SUSD6: variants seen among roughly 807,000 people sequenced by gnomAD.
The protein encoded by SUSD6 is sushi domain-containing protein 6.
Under a neutral mutation model 28.4 loss-of-function variants are expected in SUSD6, and 16 were observed. The observed-to-expected ratio is 0.56, with a 90% CI of 0.38 to 0.86. The LOEUF (loss-of-function observed/expected upper bound fraction) is 0.86, where lower values mean the gene tolerates loss of function less well. SUSD6 is among the 40% of genes least tolerant of loss of function. The pLI is 0.00. For missense variants in SUSD6, 341 were observed against 384.2 expected (o/e 0.89, Z 0.94); for synonymous variants, 147 against 159.6 (o/e 0.92, Z 0.59).
chr14:69,612,088 C>T (rs1884885171), intron 1 of SUSD6, among the ~76,000 whole-genome samples: 1 of 151,252 alleles, frequency 6.6e-6, no homozygotes, highest in African/African-American at 2.4e-5. Flanking sequence ...GGGGGACCGG[C>T]GGCTGGTTTG....
intron 1 of SUSD6, among the ~76,000 whole-genome samples, chr14:69,646,523 C>T (rs1595040426): frequency 1.3e-5 from 2 of 152,070 alleles, no homozygotes; most frequent in Admixed American, 6.5e-5. Flanking sequence ...CCTGCTAGAC[C>T]TTTCTACCAG....
Position 69,657,376 on chromosome 14 carries a change from A to G in SUSD6, c.-80-1137A>G, listed in dbSNP as rs538138699. Reference sequence around the variant, plus strand: ...AGGCTGAGGCAGGAGAATCACTTCAACCCGGGAGGTGGAGGTTGCAGTGAG... The same window carrying G: ...AGGCTGAGGCAGGAGAATCACTTCAGCCCGGGAGGTGGAGGTTGCAGTGAG... On this transcript the variant is annotated intron_variant, in intron 1 of 5. Transcript: ENST00000342745. 2.6e-5 allele frequency among the ~76,000 whole-genome samples: 4 copies of G among 152,002 alleles called. No homozygotes were observed. In the East Asian group the frequency reaches 7.7e-4, roughly 29 times the overall value.
At chr14:69,662,259 G>A (rs1035962600) in intron 2 of SUSD6, among the ~76,000 whole-genome samples, 1 of 152,142 alleles carries the variant, frequency 6.6e-6, no homozygotes, top group Non-Finnish European at 1.5e-5. Context: ...ACTAGACATA[G>A]GTAACTGGGC....
In SUSD6 at chr14:69,657,907, C is replaced by G. The variant is rs533454010; in HGVS notation, c.-80-606C>G. ...GCAGCCCATTCTCCATGCCTCCCCC[C>G]GTCTCATCTTTTTCAGGGACAGCCA... On this transcript the variant is annotated intron_variant, in intron 1 of 5. Coordinates refer to ENST00000342745, the MANE Select transcript of SUSD6 (RefSeq NM_014734.4). 3.3e-5 allele frequency among the ~76,000 whole-genome samples: 5 copies of G among 152,266 alleles called. No individual in the cohort carries two copies. In the South Asian group the frequency reaches 1.0e-3, roughly 32 times the overall value.
intron 2 of SUSD6, among the ~76,000 whole-genome samples, chr14:69,668,931 T>A (rs1885786923): frequency 6.6e-6 from 1 of 152,022 alleles, no homozygotes; most frequent in Non-Finnish European, 1.5e-5. Context: ...GATTGAAAGC[T>A]TCTTGAGGCC....
intron 1 of SUSD6, among the ~76,000 whole-genome samples, chr14:69,629,351 C>G (rs1885161351): frequency 6.6e-6 from 1 of 152,142 alleles, no homozygotes; most frequent in Non-Finnish European, 1.5e-5. Flanking sequence ...TGGGCCCCCA[C>G]AGGAAGCCTT....
At chr14:69,625,523 C>G (rs943855148) in intron 1 of SUSD6, among the ~76,000 whole-genome samples, 1 of 152,166 alleles carries the variant, frequency 6.6e-6, no homozygotes, top group South Asian at 2.1e-4. Context: ...GGAGGCTTCT[C>G]GGATGTGCAG....
chr14:69,650,295 A>G (rs1004241483), intron 1 of SUSD6, among the ~76,000 whole-genome samples: 3 of 152,156 alleles, frequency 2.0e-5, no homozygotes, highest in Non-Finnish European at 4.4e-5. Flanking sequence ...TGTTTCATAC[A>G]TCGTCCTACA....
chr14:69,682,948 T>A (rs1489770440), intron 2 of SUSD6, among the ~76,000 whole-genome samples: 1 of 4,888 alleles, frequency 2.0e-4, no homozygotes. Context: ...CCAAGAAGCC[T>A]TTTTTTTTTT....
intron 2 of SUSD6, among the ~76,000 whole-genome samples, chr14:69,690,740 C>G (rs545608783): frequency 6.6e-6 from 1 of 152,302 alleles, no homozygotes; most frequent in East Asian, 1.9e-4. Context: ...TTGTTCAAAA[C>G]AGAGAATCTC....
At chr14:69,632,660 A>AC (rs529860934) in intron 1 of SUSD6, among the ~76,000 whole-genome samples, 29 of 151,850 alleles carry the variant, frequency 1.9e-4, no homozygotes, top group Non-Finnish European at 2.8e-4. Context: ...ATTAAAAAAA[A>AC]AAAACAAAAC....
intron 1 of SUSD6, among the ~76,000 whole-genome samples, chr14:69,616,840 A>G (rs778280848): frequency 7.9e-5 from 12 of 152,102 alleles, no homozygotes; most frequent in Non-Finnish European, 1.5e-4. Flanking sequence ...TCACCCATTT[A>G]AAGTACAATT....
Position 69,711,145 on chromosome 14 carries a change from C to T in SUSD6, c.*166C>T, listed in dbSNP as rs1009387513. 3.1e-6 allele frequency: 2 copies of T among 649,874 alleles called. No individual in the cohort carries two copies. The highest frequency in any genetic ancestry group is 2.8e-5 in the Admixed American group (1 of 35,434). The allele number at this position is 649,874 out of a possible 1,614,324, so 40.3% of individuals were successfully genotyped here. ...CCCTATAGGCCCACCTTGCTGGAAA[C>T]TCAAGGAAGATTCTCGCCATCTGCC... On this transcript the variant is annotated 3_prime_UTR_variant, in exon 6 of 6. Coordinates refer to ENST00000342745, the MANE Select transcript of SUSD6 (RefSeq NM_014734.4).
intron 2 of SUSD6, among the ~76,000 whole-genome samples, chr14:69,684,727 C>T (rs1344968764): frequency 6.6e-6 from 1 of 152,214 alleles, no homozygotes; most frequent in African/African-American, 2.4e-5. Context: ...GTTGCCAGGC[C>T]AGGGGGCAGG....
intron 2 of SUSD6, among the ~76,000 whole-genome samples, chr14:69,681,252 G>A (rs968172235): frequency 5.3e-5 from 8 of 152,122 alleles, no homozygotes; most frequent in Admixed American, 1.3e-4. Flanking sequence ...CATGAAATAC[G>A]TGTATGCATT....
intron 1 of SUSD6, among the ~76,000 whole-genome samples, chr14:69,638,800 C>T (rs981242090): frequency 2.6e-5 from 4 of 151,880 alleles, no homozygotes; most frequent in Non-Finnish European, 5.9e-5. Flanking sequence ...GAAGGCAAGA[C>T]AGGGGCTAGT....
chr14:69,677,150 T>A (rs1885921875), intron 2 of SUSD6, among the ~76,000 whole-genome samples: 1 of 152,244 alleles, frequency 6.6e-6, no homozygotes, highest in South Asian at 2.1e-4. Flanking sequence ...TGACAGCACC[T>A]GGGTCAGTCT....
chr14:69,647,083 A>G (rs1422365157), intron 1 of SUSD6, among the ~76,000 whole-genome samples: 2 of 152,168 alleles, frequency 1.3e-5, no homozygotes, highest in Non-Finnish European at 2.9e-5. Flanking sequence ...CATCACAGGC[A>G]CTGAATGAAT....
intron 3 of SUSD6, 190 bp downstream of exon 3, chr14:69,703,782 C>G (rs1453188660): frequency 9.8e-6 from 6 of 614,186 alleles, no homozygotes; most frequent in African/African-American, 5.5e-5. Flanking sequence ...GGTGCATGTC[C>G]TATTGCATTT....
Sources: allele counts gnomAD v4.1 joint callset (sites outside exome capture counted in the v4.1 genomes callset), GRCh38; gene constraint gnomAD v4.1.1; transcripts MANE v1.5; gene names NCBI Gene and HGNC (gene_info 2026-07-23, HGNC 2026-07-21).